The following ACAD10 variants were observed in gnomAD, a reference collection of about 807,000 sequenced individuals.
The protein encoded by ACAD10 is ACAD-10.
In ACAD10, 112 loss-of-function variants were observed where a neutral mutation model predicts 116.8. The ratio of observed to expected loss-of-function variants is 0.96; its 90% confidence interval spans 0.82 to 1.12. ACAD10 has a LOEUF of 1.12. Ranked by LOEUF, ACAD10 falls within the 50% of genes most tolerant of loss-of-function variation. ACAD10 has a pLI of 0.00. For missense variants in ACAD10, 1,259 were observed against 1,350.2 expected (o/e 0.93, Z 1.06); for synonymous variants, 486 against 510.6 (o/e 0.95, Z 0.65).
intron 7 of ACAD10, 100 bp downstream of exon 7, chr12:111,716,062 G>A: frequency 6.6e-7 from 1 of 1,506,184 alleles, no homozygotes; most frequent in Non-Finnish European, 9.0e-7. Context: ...AATACCCCAA[G>A]ACATTTAAAA....
chr12:111,728,980 C>A (rs564291171), intron 9 of ACAD10, among the ~76,000 whole-genome samples: 10 of 152,274 alleles, frequency 6.6e-5, no homozygotes, highest in Admixed American at 6.5e-4. Flanking sequence ...TGCAGCCAGC[C>A]CTCATGTAGT....
At chr12:111,747,692 C>A in intron 16 of ACAD10, 1 of 1,169,102 alleles carries the variant, frequency 8.6e-7, no homozygotes, top group African/African-American at 1.6e-5. Context: ...TGGGCAGCTC[C>A]CCTTCCTTGG....
At chr12:111,695,492 A>G (rs930517288) in intron 2 of ACAD10, among the ~76,000 whole-genome samples, 1 of 151,990 alleles carries the variant, frequency 6.6e-6, no homozygotes, top group African/African-American at 2.4e-5. Context: ...GCAGTGGGAT[A>G]TGTTCATGTC....
rs565598219 is a variant in ACAD10 at position 111,693,941 on chromosome 12, C to G, written c.187+1045C>G. On this transcript the variant is annotated intron_variant, in intron 2 of 20. Transcript: ENST00000313698. ...GACTCCGACTCTTTATAGCATGTTG[C>G]TCTGCTGTGACTTTTCATTTCCACT... 1.3e-4 allele frequency among the ~76,000 whole-genome samples: 20 copies of G among 152,252 alleles called. No homozygotes were observed. In the South Asian group the frequency reaches 3.5e-3, roughly 27 times the overall value.
At chr12:111,730,136 T>A (rs1453648744) in intron 10 of ACAD10, among the ~76,000 whole-genome samples, 180 bp downstream of exon 10, 1 of 152,222 alleles carries the variant, frequency 6.6e-6, no homozygotes, top group Non-Finnish European at 1.5e-5. Context: ...TTGAATTGGA[T>A]AAGTTTTTGT....
At chr12:111,703,182 G>T (rs1888400033) in intron 3 of ACAD10, among the ~76,000 whole-genome samples, 1 of 151,670 alleles carries the variant, frequency 6.6e-6, no homozygotes, top group African/African-American at 2.4e-5. Flanking sequence ...GGATACGAAT[G>T]AACAGCCAGA....
intron 11 of ACAD10, among the ~76,000 whole-genome samples, chr12:111,735,245 G>A (rs1004394409): frequency 5.3e-5 from 8 of 151,698 alleles, no homozygotes; most frequent in African/African-American, 1.9e-4. Flanking sequence ...AAGAATTAAG[G>A]GAAGACATTT....
At chr12:111,714,853 C>G (rs569185308) in intron 6 of ACAD10, among the ~76,000 whole-genome samples, 1 of 151,916 alleles carries the variant, frequency 6.6e-6, no homozygotes, top group Non-Finnish European at 1.5e-5. Context: ...GCTGGGATTA[C>G]AGGCACCCAC....
At chr12:111,727,869 A>T (rs1000706057) in intron 8 of ACAD10, 93 bp from the exon 9 acceptor site, 1 of 1,311,710 alleles carries the variant, frequency 7.6e-7, no homozygotes, top group Admixed American at 2.2e-5. Flanking sequence ...CTCAACCTGT[A>T]TACCCAGGGA....
At chr12:111,729,979 C>T in intron 10 of ACAD10, 23 bp downstream of exon 10, 8 of 1,608,818 alleles carry the variant, frequency 5.0e-6, no homozygotes, top group Non-Finnish European at 6.8e-6. Context: ...GCAGGGAGAG[C>T]TGAAAAATGA....
chr12:111,702,114 C>T (rs1222783881), intron 2 of ACAD10, 48 bp from the exon 3 acceptor site: 3 of 1,591,496 alleles, frequency 1.9e-6, no homozygotes, highest in Non-Finnish European at 2.6e-6. Context: ...TCCCTAAACC[C>T]CAGCATGTAT....
intron 19 of ACAD10, 120 bp from the exon 20 acceptor site, chr12:111,755,548 A>C (rs939144573): frequency 1.4e-6 from 1 of 707,202 alleles, no homozygotes; most frequent in Admixed American, 2.1e-5. Context: ...GACTACAAGC[A>C]CATGCTACCA....
chr12:111,737,681 T>TTTATCTGTCTTCTCTCTCTCCTCCTAC (rs1382537995), intron 12 of ACAD10, among the ~76,000 whole-genome samples: 1 of 152,140 alleles, frequency 6.6e-6, no homozygotes, highest in African/African-American at 2.4e-5. Context: ...AGTTTTTCTG[T>TTTATCTGTCTTCTCTCTCTCCTCCTAC]TTATCTGTCT....
At chr12:111,722,368 A>ATTATTTATTTAT (rs1245952499) in intron 8 of ACAD10, among the ~76,000 whole-genome samples, 2,114 of 143,572 alleles carry the variant, frequency 0.015, 50 homozygotes, top group African/African-American at 0.055. Context: ...CCGGCCCTAA[A>ATTATTTATTTAT]CTATTTATTT....
At chr12:111,752,563 C>G (rs1593057907) in intron 18 of ACAD10, among the ~76,000 whole-genome samples, 1 of 151,780 alleles carries the variant, frequency 6.6e-6, no homozygotes, top group Non-Finnish European at 1.5e-5. Context: ...GAGCCGAGAT[C>G]GCGCCACTGC....
intron 8 of ACAD10, among the ~76,000 whole-genome samples, chr12:111,725,074 A>G (rs1333208602): frequency 1.3e-5 from 2 of 152,232 alleles, no homozygotes; most frequent in African/African-American, 4.8e-5. Context: ...TAGATCAAAA[A>G]TTAAAACATT....
At chr12:111,753,531 C>T (rs760572325) in intron 18 of ACAD10, 4 of 698,812 alleles carry the variant, frequency 5.7e-6, no homozygotes, top group Admixed American at 2.0e-5. Flanking sequence ...TTGTTACAGG[C>T]ACCCTGTGGG....
At chr12:111,740,810 A>G (rs1889717769) in intron 12 of ACAD10, among the ~76,000 whole-genome samples, 1 of 151,822 alleles carries the variant, frequency 6.6e-6, no homozygotes, top group Admixed American at 6.6e-5. Flanking sequence ...AAAGAAAAGA[A>G]AAAGAAATTT....
intron 6 of ACAD10, 28 bp downstream of exon 6, chr12:111,712,685 A>G (rs1888721446): frequency 6.2e-7 from 1 of 1,609,934 alleles, no homozygotes; most frequent in African/African-American, 1.3e-5. Context: ...ATGTTTTGGT[A>G]GCTCTCTCCA....
Sources: gnomAD v4.1 joint callset for allele counts (sites outside exome capture counted in the v4.1 genomes callset) on GRCh38, gnomAD v4.1.1 for gene constraint, MANE v1.5 for transcripts, NCBI Gene and HGNC (gene_info 2026-07-23, HGNC 2026-07-21) for gene names.